Variants in PRSS38 observed in about 807,000 individuals in gnomAD.
The protein encoded by PRSS38 is marapsin 2.
A neutral mutation model predicts 26.8 loss-of-function variants in PRSS38; 22 were observed. The ratio of observed to expected loss-of-function variants is 0.82; its 90% CI spans 0.59 to 1.17. PRSS38 has a LOEUF of 1.17. Among genes scored for constraint, PRSS38 ranks in the 50% most tolerant of loss-of-function variants. PRSS38 has a pLI of 0.00. For missense variants in PRSS38, 427 were observed against 422.7 expected (o/e 1.01, Z -0.09); for synonymous variants, 175 against 172.1 (o/e 1.02, Z -0.13).
In PRSS38 at chr1:227,845,942, C is replaced by T; in HGVS notation, c.727-12C>T. On this transcript the variant is annotated splice_polypyrimidine_tract_variant and intron_variant, in intron 4 of 4. Transcript: ENST00000366757. ...ACTCCCAGTTCACAAAAAACTCCCT[C>T]TTCCTTTCTAGGGCGACTCCGGGGG... The T allele has an allele frequency of 1.9e-6, 3 of 1,613,650 alleles. No homozygotes were observed. The highest frequency in any genetic ancestry group is 1.3e-5 in the African/African-American group (1 of 75,048).
intron 3 of PRSS38, among the ~76,000 whole-genome samples, chr1:227,837,631 G>A (rs1439922400): frequency 4.6e-5 from 7 of 152,214 alleles, no homozygotes; most frequent in Non-Finnish European, 1.5e-5. Flanking sequence ...TCTGTTGGCT[G>A]TGGTGTAGGG....
chr1:227,822,443 A>G (rs1049754270), intron 3 of PRSS38, among the ~76,000 whole-genome samples: 9 of 152,146 alleles, frequency 5.9e-5, no homozygotes, highest in African/African-American at 1.7e-4. Context: ...ACTTTTGAAT[A>G]TATAATGAAT....
At chr1:227,826,687 G>C (rs1360333152) in intron 3 of PRSS38, among the ~76,000 whole-genome samples, 1 of 151,976 alleles carries the variant, frequency 6.6e-6, no homozygotes, top group African/African-American at 2.4e-5. Flanking sequence ...CTGCACTCTA[G>C]CCTGAGTGAC....
chr1:227,815,907 C>A (rs770454110), intron 1 of PRSS38, 43 bp downstream of exon 1: 9 of 1,563,172 alleles, frequency 5.8e-6, no homozygotes, highest in Middle Eastern at 1.8e-4. Flanking sequence ...GGAGACAGTG[C>A]CCTTGGGGCG....
At chr1:227,818,458 C>T (rs1015493717) in intron 3 of PRSS38, among the ~76,000 whole-genome samples, 9 of 151,922 alleles carry the variant, frequency 5.9e-5, no homozygotes, top group Admixed American at 1.3e-4. Context: ...GTGGGAGGAT[C>T]GCTTGAGCCC....
At chr1:227,840,120 A>G (rs1307114944) in intron 3 of PRSS38, among the ~76,000 whole-genome samples, 1 of 152,022 alleles carries the variant, frequency 6.6e-6, no homozygotes, top group Non-Finnish European at 1.5e-5. Flanking sequence ...TGGTTTCTAC[A>G]CTTTTGTTTT....
At chr1:227,833,388 G>A (rs1254949120) in intron 3 of PRSS38, among the ~76,000 whole-genome samples, 4 of 152,134 alleles carry the variant, frequency 2.6e-5, no homozygotes, top group South Asian at 2.1e-4. Context: ...TTAGCCGGGC[G>A]TGGTCATGGG....
At position 227,816,622 on chromosome 1, in the gene PRSS38, C is replaced by T. The variant is rs1664922216; in HGVS notation, c.311+370C>T. Among the ~76,000 whole-genome samples the T allele has an allele frequency of 6.6e-6, 1 of 151,608 alleles. No individual in the cohort carries two copies. The highest frequency in any genetic ancestry group is 1.5e-5 in the Non-Finnish European group (1 of 67,876). On this transcript the variant is annotated intron_variant, in intron 2 of 4. Coordinates refer to ENST00000366757, the Ensembl canonical transcript of PRSS38. This position sits in a 1 kb window ranked among gnomAD's most constrained non-coding sequence, Gnocchi z 5.1. ...GTGCAAGGCTGGTCCCCTAAGTGCA[C>T]GACCAGGTCCCCACGAGTGAGGCTG...
chr1:227,837,175 T>A (rs6701579), intron 3 of PRSS38, among the ~76,000 whole-genome samples: 3,402 of 152,194 alleles, frequency 0.022, 125 homozygotes, highest in African/African-American at 0.077. Flanking sequence ...TCATGAATAG[T>A]CCTGTTGCAC....
At chr1:227,819,653 G>C (rs1664972660) in intron 3 of PRSS38, among the ~76,000 whole-genome samples, 1 of 152,136 alleles carries the variant, frequency 6.6e-6, no homozygotes, top group African/African-American at 2.4e-5. Flanking sequence ...TTTCAGCAAT[G>C]ATTTATAGAT....
intron 3 of PRSS38, among the ~76,000 whole-genome samples, chr1:227,825,843 G>A (rs1665066566): frequency 1.3e-5 from 2 of 152,102 alleles, no homozygotes; most frequent in South Asian, 4.1e-4. Flanking sequence ...TTTTGCTTAG[G>A]ATTGTCTTGG....
chr1:227,845,762 C>A, intron 4 of PRSS38, 150 bp downstream of exon 4: 1 of 1,204,734 alleles, frequency 8.3e-7, no homozygotes, highest in South Asian at 1.4e-5. Flanking sequence ...TGTGTGAACG[C>A]CGCATGCCTG....
chr1:227,838,596 C>T (rs1665271682), intron 3 of PRSS38, among the ~76,000 whole-genome samples: 1 of 152,196 alleles, frequency 6.6e-6, no homozygotes, highest in Admixed American at 6.5e-5. Flanking sequence ...CTGCATTCGT[C>T]TCCTTGGCTA....
intron 3 of PRSS38, among the ~76,000 whole-genome samples, chr1:227,844,537 T>C (rs1665385939): frequency 6.7e-6 from 1 of 150,134 alleles, no homozygotes; most frequent in African/African-American, 2.5e-5. Context: ...AGCTCCTCCC[T>C]ACATGTGGTG....
At chr1:227,845,345 C>T (rs1665410149) in intron 3 of PRSS38, 125 bp from the exon 4 acceptor site, 2 of 653,434 alleles carry the variant, frequency 3.1e-6, no homozygotes, top group African/African-American at 1.8e-5. Flanking sequence ...GTCATCAGGG[C>T]TCCTTCCTAC....
At chr1:227,829,016 G>C (rs1175963984) in intron 3 of PRSS38, among the ~76,000 whole-genome samples, 1 of 152,174 alleles carries the variant, frequency 6.6e-6, no homozygotes, top group Non-Finnish European at 1.5e-5. Flanking sequence ...CCCTTGACTT[G>C]AGGGCAGGGA....
intron 3 of PRSS38, among the ~76,000 whole-genome samples, chr1:227,834,242 T>A (rs1356880780): frequency 6.6e-6 from 1 of 152,142 alleles, no homozygotes; most frequent in African/African-American, 2.4e-5. Flanking sequence ...AGAAAAACTT[T>A]TTGTCGTTTG....
At chr1:227,829,412 T>G (rs1277116784) in intron 3 of PRSS38, among the ~76,000 whole-genome samples, 1 of 152,222 alleles carries the variant, frequency 6.6e-6, no homozygotes, top group African/African-American at 2.4e-5. Context: ...ATATGCTTAT[T>G]GGTCATTTGT....
chr1:227,834,275 T>C (rs2102681469), intron 3 of PRSS38, among the ~76,000 whole-genome samples: 1 of 152,252 alleles, frequency 6.6e-6, no homozygotes, highest in Admixed American at 6.5e-5. Context: ...TTGGGGTACT[T>C]TGTGACAGCA....
Sources: allele counts gnomAD v4.1 joint callset (sites outside exome capture counted in the v4.1 genomes callset), GRCh38; gene constraint gnomAD v4.1.1; non-coding constraint Gnocchi (gnomAD v3.1); transcripts MANE v1.5; gene names NCBI Gene and HGNC (gene_info 2026-07-23, HGNC 2026-07-21).